EYS: variants seen among roughly 807,000 people sequenced by gnomAD.
The protein encoded by EYS is EGF-like photoreceptor maintenance factor, also known as protein eyes shut homolog.
EYS carries 250 observed loss-of-function variants against 282.1 expected under a neutral mutation model. The ratio of observed to expected loss-of-function variants is 0.89; its 90% CI spans 0.80 to 0.98. EYS has a LOEUF of 0.98. Among genes scored for constraint, EYS ranks in the 50% least tolerant of loss-of-function variants. The pLI, the probability that EYS is intolerant of heterozygous loss-of-function variation, is 0.00. For synonymous variants in EYS, 1,355 were observed against 1,282.9 expected, an observed-to-expected ratio of 1.06 and a Z score of -1.20; for missense variants, 4,016 against 3,709.0, an observed-to-expected ratio of 1.08 and a Z score of -2.15.
chr6:64,576,142 C>T (rs1765871973), intron 26 of EYS, among the ~76,000 whole-genome samples: 1 of 152,066 alleles, frequency 6.6e-6, no homozygotes, highest in African/African-American at 2.4e-5. Context: ...TTTGAGCTAA[C>T]ATTTGCTTTA....
chr6:63,795,276 G>A (rs1362298691), intron 37 of EYS, among the ~76,000 whole-genome samples: 1 of 152,178 alleles, frequency 6.6e-6, no homozygotes, highest in Non-Finnish European at 1.5e-5. Flanking sequence ...GCCTCATAAT[G>A]CACCAAGAAT....
chr6:65,542,215 T>C (rs896210425), intron 2 of EYS, among the ~76,000 whole-genome samples: 9 of 152,118 alleles, frequency 5.9e-5, no homozygotes, highest in Admixed American at 5.9e-4. Context: ...TTATTCCTAA[T>C]TGGTTTTAAA....
chr6:63,827,880 A>G (rs1487708049), intron 36 of EYS, among the ~76,000 whole-genome samples: 1 of 151,174 alleles, frequency 6.6e-6, no homozygotes, highest in Non-Finnish European at 1.5e-5. Context: ...AAGAAATTAC[A>G]TCAAGCACTC....
intron 36 of EYS, among the ~76,000 whole-genome samples, chr6:63,837,906 T>C (rs929073755): frequency 2.0e-5 from 3 of 152,212 alleles, no homozygotes; most frequent in African/African-American, 7.2e-5. Context: ...CAGAAGAGTT[T>C]ATCAGTGAAG....
At chr6:64,237,541 G>T (rs974952673) in intron 30 of EYS, among the ~76,000 whole-genome samples, 1 of 151,932 alleles carries the variant, frequency 6.6e-6, no homozygotes. Flanking sequence ...TTTCACACAG[G>T]GTAACTTAAA....
At chr6:64,816,050 C>T (rs921227749) in intron 21 of EYS, among the ~76,000 whole-genome samples, 11 of 152,048 alleles carry the variant, frequency 7.2e-5, no homozygotes, top group African/African-American at 2.4e-4. Context: ...TTTATCATAA[C>T]ATTTCTCTCA....
In EYS at chr6:63,827,900, A is replaced by G. The variant is rs57642856; in HGVS notation, c.7229-21528T>C. On this transcript the variant is annotated intron_variant, in intron 36 of 42. Transcript: ENST00000503581. ...ATTACATCAAGCACTCTCTCAGACC[A>G]CAGTGGAGTAAAACTTGAAATCAAC... 2.0e-3 allele frequency among the ~76,000 whole-genome samples: 309 copies of G among 151,882 alleles called. 1 individual carries two copies. The highest frequency in any genetic ancestry group is 7.2e-3 in the African/African-American group (299 of 41,504).
chr6:64,000,375 TA>T (rs1768038379), intron 33 of EYS, among the ~76,000 whole-genome samples: 1 of 150,864 alleles, frequency 6.6e-6, no homozygotes, highest in African/African-American at 2.4e-5. Flanking sequence ...TTTGTATTTT[TA>T]GTAGAGATGG....
chr6:63,984,974 T>G (rs1767287158), intron 34 of EYS, among the ~76,000 whole-genome samples: 1 of 151,762 alleles, frequency 6.6e-6, no homozygotes. Flanking sequence ...CTAATTGTTG[T>G]TAGGGGTTGA....
At chr6:64,849,973 C>T (rs1765832726) in intron 19 of EYS, among the ~76,000 whole-genome samples, 1 of 151,850 alleles carries the variant, frequency 6.6e-6, no homozygotes, top group African/African-American at 2.4e-5. Flanking sequence ...TAGTAGGTTT[C>T]ACTCACACTC....
At chr6:65,646,969 C>G (rs894655937) in intron 1 of EYS, among the ~76,000 whole-genome samples, 3 of 152,008 alleles carry the variant, frequency 2.0e-5, no homozygotes, top group African/African-American at 7.2e-5. Context: ...AGATGAAAGA[C>G]CTCTGCAAGG....
chr6:65,580,226 T>A (rs954080338), intron 2 of EYS, among the ~76,000 whole-genome samples: 1 of 152,004 alleles, frequency 6.6e-6, no homozygotes, highest in Non-Finnish European at 1.5e-5. Flanking sequence ...AAAAGTGGAG[T>A]GTATTTAGTA....
chr6:64,258,794 A>C (rs1767488147), intron 30 of EYS, among the ~76,000 whole-genome samples: 1 of 78,358 alleles, frequency 1.3e-5, no homozygotes, highest in Non-Finnish European at 3.0e-5. Context: ...CCCTTCCTTT[A>C]CAGTTTTTTT....
At chr6:64,191,301 A>G (rs1765095305) in intron 31 of EYS, among the ~76,000 whole-genome samples, 1 of 151,814 alleles carries the variant, frequency 6.6e-6, no homozygotes, top group South Asian at 2.1e-4. Flanking sequence ...CAGCTAAAAT[A>G]GCCTTATTCT....
intron 19 of EYS, among the ~76,000 whole-genome samples, chr6:64,837,140 T>C (rs552000920): frequency 6.6e-6 from 1 of 151,748 alleles, no homozygotes; most frequent in Non-Finnish European, 1.5e-5. Flanking sequence ...CTTTTTGTGG[T>C]AGGCATTTTG....
intron 12 of EYS, among the ~76,000 whole-genome samples, chr6:65,114,937 T>C (rs1775324856): frequency 6.6e-6 from 1 of 152,038 alleles, no homozygotes; most frequent in Admixed American, 6.6e-5. Flanking sequence ...CTATAAACTT[T>C]TCTTTGGCAC....
At position 64,080,748 on chromosome 6, in the gene EYS, G is replaced by A. The variant is rs544273417; in HGVS notation, c.6571+1108C>T. Among the ~76,000 whole-genome samples the A allele has an allele frequency of 3.8e-4, 58 of 151,316 alleles. 1 individual carries two copies. Among genetic ancestry groups the A allele is most frequent in the African/African-American group, 1.3e-3 (54 of 41,376 alleles). ...TAATTTTTGTATAAGGTGTAAGGAA[G>A]GGATCCAGTTTCAGCTTTCTACATA... On this transcript the variant is annotated intron_variant, in intron 32 of 42. Coordinates refer to ENST00000503581, the MANE Select transcript of EYS (RefSeq NM_001142800.2).
intron 2 of EYS, among the ~76,000 whole-genome samples, chr6:65,619,263 C>A (rs1289045939): frequency 1.3e-5 from 2 of 151,256 alleles, no homozygotes; most frequent in Non-Finnish European, 2.9e-5. Context: ...TGAAGAGGTC[C>A]TTCACGTCCC....
chr6:65,064,946 G>T (rs1237166793), intron 12 of EYS, among the ~76,000 whole-genome samples: 1 of 152,100 alleles, frequency 6.6e-6, no homozygotes, highest in Non-Finnish European at 1.5e-5. Context: ...TCACAGAAAG[G>T]CTGATCCTTA....
Sources: allele counts gnomAD v4.1 joint callset (sites outside exome capture counted in the v4.1 genomes callset), GRCh38; gene constraint gnomAD v4.1.1; transcripts MANE v1.5; gene names NCBI Gene and HGNC (gene_info 2026-07-23, HGNC 2026-07-21).